The following ANKRD65 variants were observed in gnomAD, a reference collection of about 807,000 sequenced individuals.
The protein encoded by ANKRD65 is ankyrin repeat domain 65.
A neutral mutation model predicts 17.2 loss-of-function variants in ANKRD65; 26 were observed. The observed-to-expected ratio is 1.51, with a 90% confidence interval of 1.11 to 2.09. The LOEUF is 2.09. ANKRD65 is among the 30% of genes most tolerant of loss of function. The pLI is 0.00. For synonymous variants in ANKRD65, 311 were observed against 272.2 expected, an observed-to-expected ratio of 1.14 and a Z score of -1.40; for missense variants, 621 against 542.2, an observed-to-expected ratio of 1.15 and a Z score of -1.44.
rs1356400612 is a variant in ANKRD65 at position 1,420,846 on chromosome 1, C to A, written c.160G>T (p.Ala54Ser). ...CGCAGCAGCTGCGTCACCAGGCCTG[C>A]AGGGCCCCTCCACACGGCCTGGAGC... ...HLLQAVWRGP[A>S]GLVTQLLRQG... The change falls in exon 2 of 4, where the codon GCA (alanine) becomes TCA (serine). Residue 54 changes from alanine to serine, a missense_variant. Coordinates refer to ENST00000537107, the MANE Select transcript of ANKRD65 (RefSeq NM_001145210.3). The A allele has an allele frequency of 4.5e-6, 7 of 1,549,552 alleles. No homozygotes were observed. Among genetic ancestry groups the A allele is most frequent in the Middle Eastern group, 3.7e-4 (2 of 5,400 alleles).
chr1:1,420,413 C>A lies in ANKRD65; in HGVS notation c.389G>T (p.Gly130Val). Residue 130 changes from glycine to valine, a missense_variant, in exon 3 of 4, where the codon GGG becomes GTG. Coordinates refer to ENST00000537107, the MANE Select transcript of ANKRD65 (RefSeq NM_001145210.3). ...CCCGGAGCGAGCCGCCGCCGAGGCC[C>A]CGCGCTGCAGCAGCAGCTCGGCCAC... The part of the protein sequence containing the change: ...SRVAELLLQR[G>V]ASAAARSGTG... 1.1e-5 allele frequency: 14 copies of A among 1,327,468 alleles called. No individual in the cohort carries two copies. Among genetic ancestry groups the A allele is most frequent in the Non-Finnish European group, 1.4e-5 (14 of 1,035,726 alleles). 82.2% of individuals were successfully genotyped at this position (1,327,468 alleles called of 1,614,324 possible).
chr1:1,419,561 G>A lies in ANKRD65; in HGVS notation c.751-12C>T, dbSNP rs1004672334. 30 of 1,511,520 alleles carry A rather than the reference G, an allele frequency of 2.0e-5. No homozygotes were observed. The highest frequency in any genetic ancestry group is 3.7e-5 in the South Asian group (3 of 81,772). 93.6% of individuals were successfully genotyped at this position (1,511,520 alleles called of 1,614,324 possible). On this transcript the variant is annotated splice_polypyrimidine_tract_variant and intron_variant, in intron 3 of 3. Coordinates refer to ENST00000537107, the MANE Select transcript of ANKRD65 (RefSeq NM_001145210.3). ...AGCACCTCAATGTCCTAGAAGAGGA[G>A]AGAAAAGCAGGGGCCGGCCTCAGCC...
intron 2 of ANKRD65, 68 bp from the exon 3 acceptor site, chr1:1,420,660 C>T: frequency 1.4e-6 from 2 of 1,398,828 alleles, no homozygotes; most frequent in East Asian, 2.6e-5. Context: ...TGCCCCACCC[C>T]GTCCTGCCGC....
chr1:1,420,668 C>G, intron 2 of ANKRD65, 76 bp from the exon 3 acceptor site: 1 of 1,390,256 alleles, frequency 7.2e-7, no homozygotes, highest in Non-Finnish European at 9.4e-7. Flanking sequence ...CCCGTCCTGC[C>G]GCCCACCCAG....
Position 1,421,191 on chromosome 1 carries a change from C to T in ANKRD65, c.-59G>A, listed in dbSNP as rs974354323. ...GCTGAGGGTCCTCTGTAGACGGGTT[C>T]TGGCCGAGGCTCAGCCTGGTGACCC... On this transcript the variant is annotated 5_prime_UTR_variant, in exon 1 of 4. Coordinates refer to ENST00000537107, the MANE Select transcript of ANKRD65 (RefSeq NM_001145210.3). 2.0e-5 allele frequency: 12 copies of T among 609,126 alleles called. No homozygotes were observed. In the Admixed American group the frequency reaches 3.5e-4, roughly 18 times the overall value. 37.7% of individuals were successfully genotyped at this position (609,126 alleles called of 1,614,324 possible).
Position 1,418,968 on chromosome 1 carries a change from A to T in ANKRD65, c.*132T>A. 1 of 1,111,758 alleles carries T rather than the reference A, an allele frequency of 9.0e-7. No individual in the cohort carries two copies. Among genetic ancestry groups the T allele is most frequent in the Non-Finnish European group, 1.3e-6 (1 of 797,286 alleles). 68.9% of individuals were successfully genotyped at this position (1,111,758 alleles called of 1,614,324 possible). A position where few individuals can be genotyped will look rare whatever the true frequency, so the allele number is the denominator to read the frequency against. On this transcript the variant is annotated 3_prime_UTR_variant, in exon 4 of 4. Transcript: ENST00000537107. ...CAGCCAAGGCCTGTGACTGCAGCTC[A>T]AGCCACATCCCCTACTTTCTCCCAT...
rs1326718445 is a variant in ANKRD65 at position 1,419,292 on chromosome 1, C to A, written c.1008G>T (p.Lys336Asn). ...AQVDATGWLRKTPLHLAAERG... is the reference protein window; with the variant it reads ...AQVDATGWLRNTPLHLAAERG... Reference sequence around the variant, plus strand: ...GCTCTGCAGCCAGGTGTAGGGGGGTCTTTCGGAGCCAGCCGGTAGCATCCA... The same window carrying A: ...GCTCTGCAGCCAGGTGTAGGGGGGTATTTCGGAGCCAGCCGGTAGCATCCA... The change falls in exon 4 of 4, where the codon AAG (lysine) becomes AAT (asparagine). Residue 336 changes from lysine (K) to asparagine (N), a missense_variant. Lys to Asn is a moderately conservative substitution (Grantham distance 94). Coordinates refer to ENST00000537107, the MANE Select transcript of ANKRD65 (RefSeq NM_001145210.3). 1 of 1,550,394 alleles carries A rather than the reference C, an allele frequency of 6.4e-7. No homozygotes were observed. The highest frequency in any genetic ancestry group is 1.4e-5 in the African/African-American group (1 of 73,172).
rs1557759519 is a variant in ANKRD65, at chr1:1,420,343, C to T, written c.459G>A (p.Thr153=). Residue 153 remains threonine (T), a synonymous_variant, in exon 3 of 4, where the codon ACG becomes ACA. Coordinates refer to ENST00000537107, the MANE Select transcript of ANKRD65 (RefSeq NM_001145210.3). ...PLHWAAALGH[T]LLAARLLEAP... ...CCTCCAGCAGGCGCGCGGCCAGCAG[C>T]GTGTGGCCCAGGGCAGCGGCCCAGT... The T allele has an allele frequency of 2.6e-6, 3 of 1,176,064 alleles. No homozygotes were observed. The South Asian group carries it at 8.1e-5, about 32-fold the overall frequency. 72.9% of individuals were successfully genotyped at this position (1,176,064 alleles called of 1,614,324 possible).
chr1:1,420,130 C>T lies in ANKRD65; in HGVS notation c.672G>A (p.Ala224=). 3 of 1,248,770 alleles carry T rather than the reference C, an allele frequency of 2.4e-6. No individual in the cohort carries two copies. The highest frequency in any genetic ancestry group is 3.0e-6 in the Non-Finnish European group (3 of 996,994). 77.4% of individuals were successfully genotyped at this position (1,248,770 alleles called of 1,614,324 possible). A position where few individuals can be genotyped will look rare whatever the true frequency, so the allele number is the denominator to read the frequency against. Residue 224 remains alanine, a synonymous_variant, in exon 3 of 4, where the codon GCG becomes GCA. Coordinates refer to ENST00000537107, the MANE Select transcript of ANKRD65 (RefSeq NM_001145210.3). The stretch of plus-strand genomic sequence containing the variant: ...CCCGGGCGTCCACCCGCGCCCCGCG[C>T]GCCAGGAGGAAGCGCAGCGCCGCCC... ...GRGAALRFLL[A]RGARVDARDG... is the part of the protein sequence containing the mutation.
At chr1:1,421,052 TGC>T in intron 1 of ANKRD65, 47 bp from the exon 2 acceptor site, 1 of 1,537,310 alleles carries the variant, frequency 6.5e-7, no homozygotes, top group Non-Finnish European at 8.8e-7. Context: ...GCCTCTGGCC[TGC>T]CCCCAGCCGT....
chr1:1,419,498 G>T lies in ANKRD65; in HGVS notation c.802C>A (p.His268Asn). The T allele has an allele frequency of 6.5e-7, 1 of 1,544,324 alleles. No individual in the cohort carries two copies. ...GCCCTGTGCAGCGCAGAGCGGCCAT[G>T]CCTGTCCCTGATGCCTGGGTCTGCC... The part of the protein sequence containing the change: ...HGADPGIRDR[H>N]GRSALHRAAA... Residue 268 changes from histidine (H) to asparagine (N), a missense_variant, in exon 4 of 4, where the codon CAT (histidine) becomes AAT (asparagine). Coordinates refer to ENST00000537107, the MANE Select transcript of ANKRD65 (RefSeq NM_001145210.3).
rs774071232 is a variant in ANKRD65, at chr1:1,419,469, G to A, written c.831C>T (p.Ala277=). Reference sequence around the variant, plus strand: ...GGACGGCAAGCAGGTGTCCTCGGGCGGCAGCCCTGTGCAGCGCAGAGCGGC... The same window carrying A: ...GGACGGCAAGCAGGTGTCCTCGGGCAGCAGCCCTGTGCAGCGCAGAGCGGC... ...RHGRSALHRA[A]ARGHLLAVQL... The change falls in exon 4 of 4, where the codon GCC becomes GCT. Residue 277 remains alanine (A), a synonymous_variant. Coordinates refer to ENST00000537107, the MANE Select transcript of ANKRD65 (RefSeq NM_001145210.3). 20 of 1,548,046 alleles carry A rather than the reference G, an allele frequency of 1.3e-5. No homozygotes were observed. Among genetic ancestry groups the A allele is most frequent in the East Asian group, 7.3e-5 (3 of 40,930 alleles).
At chr1:1,420,673 A>ACCCAGCGCTGGGACC in intron 2 of ANKRD65, 81 bp from the exon 3 acceptor site, 1 of 298,618 alleles carries the variant, frequency 3.3e-6, no homozygotes, top group Non-Finnish European at 3.9e-6. Context: ...CCTGCCGCCC[A>ACCCAGCGCTGGGACC]CCCAGCGCTG....
At position 1,420,367 on chromosome 1, in the gene ANKRD65, G is replaced by A; in HGVS notation, c.435C>T (p.His145=). The change falls in exon 3 of 4, where the codon CAC becomes CAT. Residue 145 remains histidine (H), a synonymous_variant. Transcript: ENST00000537107. ...ARSGTGLTPL[H]WAAALGHTLL... ...GCGTGTGGCCCAGGGCAGCGGCCCA[G>A]TGCAGCGGCGTGAGGCCCGTCCCGG... 2 of 1,276,536 alleles carry A rather than the reference G, an allele frequency of 1.6e-6. No homozygotes were observed. Among genetic ancestry groups the A allele is most frequent in the Non-Finnish European group, 2.0e-6 (2 of 1,004,648 alleles). 79.1% of individuals were successfully genotyped at this position (1,276,536 alleles called of 1,614,324 possible). A position where few individuals can be genotyped will look rare whatever the true frequency, so the allele number is the denominator to read the frequency against.
chr1:1,420,549 C>G lies in ANKRD65; in HGVS notation c.253G>C (p.Gly85Arg). Residue 85 changes from glycine (G) to arginine (R), a missense_variant, in exon 3 of 4, where the codon GGC becomes CGC. Physicochemically the swap from Gly to Arg is moderately radical, Grantham distance 125. Transcript: ENST00000537107. ...RTPLHLAVLR[G>R]HAPLVRLLLQ... is the part of the protein sequence containing the mutation. Reference sequence around the variant, plus strand: ...AGGAGACGCACCAGGGGCGCGTGGCCCCGCAGCACGGCCAGGTGGAGCGGG... The same window carrying G: ...AGGAGACGCACCAGGGGCGCGTGGCGCCGCAGCACGGCCAGGTGGAGCGGG... 1 of 1,325,230 alleles carries G rather than the reference C, an allele frequency of 7.5e-7. No individual in the cohort carries two copies. Among genetic ancestry groups the G allele is most frequent in the Non-Finnish European group, 9.6e-7 (1 of 1,043,556 alleles). The allele number at this position is 1,325,230 out of a possible 1,614,324, so 82.1% of individuals were successfully genotyped here.
chr1:1,419,773 C>A (rs1268216122), intron 3 of ANKRD65, among the ~76,000 whole-genome samples: 1 of 152,224 alleles, frequency 6.6e-6, no homozygotes, highest in Non-Finnish European at 1.5e-5. Flanking sequence ...GCAGCCAACA[C>A]CCTGCCCGCT....
At position 1,420,531 on chromosome 1, in the gene ANKRD65, G is replaced by T; in HGVS notation, c.271C>A (p.Arg91Ser). ...GGGGCCCCTCGCTGCAGCAGGAGAC[G>T]CACCAGGGGCGCGTGGCCCCGCAGC... ...AVLRGHAPLVRLLLQRGAPVG... is the reference protein window; with the variant it reads ...AVLRGHAPLVSLLLQRGAPVG... Residue 91 changes from arginine to serine, a missense_variant, in exon 3 of 4, where the codon CGT becomes AGT. Coordinates refer to ENST00000537107, the MANE Select transcript of ANKRD65 (RefSeq NM_001145210.3). The T allele has an allele frequency of 7.8e-7, 1 of 1,286,264 alleles. No individual in the cohort carries two copies. The highest frequency in any genetic ancestry group is 1.5e-5 in the African/African-American group (1 of 64,562). The allele number at this position is 1,286,264 out of a possible 1,614,324, so 79.7% of individuals were successfully genotyped here.
At position 1,420,524 on chromosome 1, in the gene ANKRD65, A is replaced by C. The variant is rs547687909; in HGVS notation, c.278T>G (p.Leu93Arg). The change falls in exon 3 of 4, where the codon CTG becomes CGG. Residue 93 changes from leucine to arginine, a missense_variant. Leu to Arg is a moderately radical substitution (Grantham distance 102). Transcript: ENST00000537107. ...GCCCACCGGGGCCCCTCGCTGCAGC[A>C]GGAGACGCACCAGGGGCGCGTGGCC... ...LRGHAPLVRL[L>R]LQRGAPVGAV... 219 of 1,286,804 alleles carry C rather than the reference A, an allele frequency of 1.7e-4. No homozygotes were observed. The East Asian group carries it at 6.3e-3, about 37-fold the overall frequency. 79.7% of individuals were successfully genotyped at this position (1,286,804 alleles called of 1,614,324 possible).
chr1:1,420,169 G>A lies in ANKRD65; in HGVS notation c.633C>T (p.Ala211=), dbSNP rs934853739. ...GCAGCGCCGCCCCGCGCCCCGCAGCGGCAGCCACGAGCAGGGCGCCGTCCA... is the reference window on the plus strand; with the variant it reads ...GCAGCGCCGCCCCGCGCCCCGCAGCAGCAGCCACGAGCAGGGCGCCGTCCA... The part of the protein sequence containing the change: ...AGLDGALLVA[A]AAGRGAALRF... The change falls in exon 3 of 4, where the codon GCC becomes GCT. Residue 211 remains alanine, a synonymous_variant. Transcript: ENST00000537107. 1.3e-5 allele frequency: 15 copies of A among 1,116,044 alleles called. No individual in the cohort carries two copies. The African/African-American group carries it at 1.5e-4, about 11-fold the overall frequency. The allele number at this position is 1,116,044 out of a possible 1,614,324, so 69.1% of individuals were successfully genotyped here. A position where few individuals can be genotyped will look rare whatever the true frequency, so the allele number is the denominator to read the frequency against.
Sources: allele counts gnomAD v4.1 joint callset (sites outside exome capture counted in the v4.1 genomes callset), GRCh38; gene constraint gnomAD v4.1.1; transcripts MANE v1.5; gene names NCBI Gene and HGNC (gene_info 2026-07-23, HGNC 2026-07-21).